FAM180A: variants seen among roughly 807,000 people sequenced by gnomAD.
The protein encoded by FAM180A is protein FAM180A.
FAM180A carries 14 observed loss-of-function variants against 15.3 expected under a neutral mutation model. The ratio of observed to expected loss-of-function variants is 0.92; its 90% CI spans 0.61 to 1.43. The LOEUF (loss-of-function observed/expected upper bound fraction) is 1.43. Among genes scored for constraint, FAM180A ranks in the 40% most tolerant of loss-of-function variants. The pLI is 0.00. For missense variants in FAM180A, 200 were observed against 220.8 expected (o/e 0.91, Z 0.60); for synonymous variants, 90 against 96.8 (o/e 0.93, Z 0.41).
In FAM180A at chr7:135,733,684, T is replaced by G. The variant is rs943776494; in HGVS notation, c.*291A>C. On this transcript the variant is annotated 3_prime_UTR_variant, in exon 3 of 4. Coordinates refer to ENST00000338588, the MANE Select transcript of FAM180A (RefSeq NM_205855.4). The stretch of plus-strand genomic sequence containing the variant: ...TGAGTGTGTGGCCACTGCTCTGGGT[T>G]GAAGCATATCAGAATTCTGCCTGCC... 3 of 1,204,492 alleles carry G rather than the reference T, an allele frequency of 2.5e-6. No homozygotes were observed. The highest frequency in any genetic ancestry group is 3.3e-4 in the Middle Eastern group (1 of 3,042). The allele number at this position is 1,204,492 out of a possible 1,614,324, so 74.6% of individuals were successfully genotyped here. A position where few individuals can be genotyped will look rare whatever the true frequency, so the allele number is the denominator to read the frequency against.
intron 1 of FAM180A, among the ~76,000 whole-genome samples, chr7:135,747,829 C>T (rs537705475): frequency 6.6e-6 from 1 of 152,238 alleles, no homozygotes; most frequent in African/African-American, 2.4e-5. Flanking sequence ...CGAGGTGCTC[C>T]CAGTGTCTAC....
chr7:135,741,071 G>C (rs958640007), intron 1 of FAM180A, among the ~76,000 whole-genome samples: 5 of 152,122 alleles, frequency 3.3e-5, no homozygotes, highest in African/African-American at 1.2e-4. Flanking sequence ...GCCGCTGCCT[G>C]CCTGGAAGTT....
intron 1 of FAM180A, among the ~76,000 whole-genome samples, chr7:135,739,662 A>G (rs1432626453): frequency 1.4e-5 from 2 of 140,946 alleles, no homozygotes; most frequent in Admixed American, 1.5e-4. Flanking sequence ...TTTTAGAAGG[A>G]TTGCCATCAG....
At chr7:135,745,429 T>C (rs1169103433) in intron 1 of FAM180A, among the ~76,000 whole-genome samples, 2 of 152,166 alleles carry the variant, frequency 1.3e-5, no homozygotes, top group Non-Finnish European at 2.9e-5. Context: ...CTTCCAGTGG[T>C]GCCCTGGCAG....
At chr7:135,748,064 C>T (rs1033098060) in intron 1 of FAM180A, among the ~76,000 whole-genome samples, 5 of 152,188 alleles carry the variant, frequency 3.3e-5, no homozygotes, top group Non-Finnish European at 5.9e-5. Context: ...GAGGAGGCAA[C>T]GTTCTGCAGA....
intron 2 of FAM180A, among the ~76,000 whole-genome samples, chr7:135,736,597 T>G (rs1321754511): frequency 6.6e-6 from 1 of 151,932 alleles, no homozygotes; most frequent in Non-Finnish European, 1.5e-5. Flanking sequence ...AGGAGTGGGG[T>G]CTCAGTGATG....
In FAM180A at chr7:135,733,752, T is replaced by C. The variant is rs1285839632; in HGVS notation, c.*223A>G. On this transcript the variant is annotated 3_prime_UTR_variant, in exon 3 of 4. Coordinates refer to ENST00000338588, the MANE Select transcript of FAM180A (RefSeq NM_205855.4). ...CCCATGGAGGCGTCTTGAATGACCA[T>C]TCCAGCCCTTTCTTCCAGCCCAGGT... 7.3e-7 allele frequency: 1 copy of C among 1,364,184 alleles called. No homozygotes were observed. Among genetic ancestry groups the C allele is most frequent in the Non-Finnish European group, 9.4e-7 (1 of 1,063,868 alleles). The allele number at this position is 1,364,184 out of a possible 1,614,324, so 84.5% of individuals were successfully genotyped here. A position where few individuals can be genotyped will look rare whatever the true frequency, so the allele number is the denominator to read the frequency against.
chr7:135,735,733 C>CAGGTGGTCTGAGACCAG (rs1188782921), intron 2 of FAM180A, among the ~76,000 whole-genome samples: 2 of 152,112 alleles, frequency 1.3e-5, no homozygotes, highest in African/African-American at 4.8e-5. Flanking sequence ...GATGGAGTCT[C>CAGGTGGTCTGAGACCAG]GCTCTGTCAC....
chr7:135,732,451 G>A lies in FAM180A; in HGVS notation c.*329+1195C>T, dbSNP rs1446060857. On this transcript the variant is annotated intron_variant, in intron 3 of 3. Transcript: ENST00000338588. ...CTCTCGCCTATAATCCCAACACTTT[G>A]GGAGCCTGAGGCGGGTGGATCACTT... Among the ~76,000 whole-genome samples, 56 of 152,174 alleles carry A rather than the reference G, an allele frequency of 3.7e-4. 2 individuals are homozygous for A. The highest frequency in any genetic ancestry group is 3.7e-3 in the Admixed American group (56 of 15,270).
intron 3 of FAM180A, among the ~76,000 whole-genome samples, chr7:135,730,623 C>T (rs1304128358): frequency 6.6e-6 from 1 of 152,288 alleles, no homozygotes; most frequent in Non-Finnish European, 1.5e-5. Context: ...CAAGTTTCCA[C>T]CACAAACATC....
intron 2 of FAM180A, among the ~76,000 whole-genome samples, chr7:135,736,372 A>C (rs896735951): frequency 6.6e-6 from 1 of 152,238 alleles, no homozygotes; most frequent in Admixed American, 6.5e-5. Flanking sequence ...ATGGAGTCAG[A>C]GGATGTCAAA....
chr7:135,743,946 C>T (rs1481563051), intron 1 of FAM180A, among the ~76,000 whole-genome samples: 1 of 152,170 alleles, frequency 6.6e-6, no homozygotes, highest in African/African-American at 2.4e-5. Flanking sequence ...TTGTGGTTCT[C>T]GGTCTTGGCT....
chr7:135,741,552 G>A (rs1319211086), intron 1 of FAM180A, among the ~76,000 whole-genome samples: 1 of 151,982 alleles, frequency 6.6e-6, no homozygotes, highest in Non-Finnish European at 1.5e-5. Flanking sequence ...TACCAGGTGT[G>A]GCAGCTCACA....
In FAM180A at chr7:135,743,260, C is replaced by T. The variant is rs117744714; in HGVS notation, c.76+5245G>A. Reference sequence around the variant, plus strand: ...TTTTGAGACAAGAGTCTTGCTCTGTCGCCCACGCTGGAGGGCAGTGGTGCA... The same window carrying T: ...TTTTGAGACAAGAGTCTTGCTCTGTTGCCCACGCTGGAGGGCAGTGGTGCA... On this transcript the variant is annotated intron_variant, in intron 1 of 3. Coordinates refer to ENST00000338588, the MANE Select transcript of FAM180A (RefSeq NM_205855.4). Among the ~76,000 whole-genome samples the T allele has an allele frequency of 6.7e-5, 10 of 148,894 alleles. No individual in the cohort carries two copies. The East Asian group carries it at 9.9e-4, about 15-fold the overall frequency.
At chr7:135,732,800 G>C (rs1796806442) in intron 3 of FAM180A, among the ~76,000 whole-genome samples, 1 of 151,790 alleles carries the variant, frequency 6.6e-6, no homozygotes, top group East Asian at 1.9e-4. Flanking sequence ...TGTATATATA[G>C]TTTAAAAAGA....
chr7:135,732,419 G>A (rs987923426), intron 3 of FAM180A, among the ~76,000 whole-genome samples: 7 of 152,194 alleles, frequency 4.6e-5, no homozygotes, highest in Non-Finnish European at 1.0e-4. Flanking sequence ...ATGGTCGGGC[G>A]CAATGGCTCT....
chr7:135,735,314 T>C (rs1342193209), intron 2 of FAM180A, among the ~76,000 whole-genome samples: 2 of 152,206 alleles, frequency 1.3e-5, no homozygotes, highest in African/African-American at 4.8e-5. Context: ...TCTTTATATT[T>C]ACTATAGGAC....
At chr7:135,744,195 T>C (rs970106034) in intron 1 of FAM180A, among the ~76,000 whole-genome samples, 1 of 152,226 alleles carries the variant, frequency 6.6e-6, no homozygotes, top group Non-Finnish European at 1.5e-5. Flanking sequence ...CTTTCTGTAA[T>C]CTGGGTTAAA....
chr7:135,732,689 T>TCACA (rs143588470), intron 3 of FAM180A, among the ~76,000 whole-genome samples: 6,517 of 141,682 alleles, frequency 0.046, 159 homozygotes, highest in Middle Eastern at 0.077. Context: ...CGAGACTCCA[T>TCACA]CACACACACA....
Sources: allele counts gnomAD v4.1 joint callset (sites outside exome capture counted in the v4.1 genomes callset), GRCh38; gene constraint gnomAD v4.1.1; transcripts MANE v1.5; gene names NCBI Gene and HGNC (gene_info 2026-07-23, HGNC 2026-07-21).